The following GPHN variants were observed in gnomAD, a reference collection of about 807,000 sequenced individuals.
The protein encoded by GPHN is gephyrin.
A neutral mutation model predicts 95.5 loss-of-function variants in GPHN; 17 were observed. That is an observed-to-expected ratio of 0.18 (90% CI 0.12 to 0.27). The LOEUF is 0.27. Ranked by LOEUF, GPHN falls within the 10% of genes least tolerant of loss-of-function variation. GPHN has a pLI of 1.00. For missense variants in GPHN, 660 were observed against 978.1 expected (o/e 0.67, Z 4.34); for synonymous variants, 320 against 322.5 (o/e 0.99, Z 0.08).
chr14:66,977,686 A>G (rs370625726), intron 9 of GPHN, among the ~76,000 whole-genome samples: 6 of 152,330 alleles, frequency 3.9e-5, no homozygotes, highest in South Asian at 2.1e-4. Flanking sequence ...TGCTGAAACT[A>G]CAATGTATAG....
chr14:66,528,977 T>C (rs2058803820), intron 1 of GPHN, among the ~76,000 whole-genome samples: 1 of 152,210 alleles, frequency 6.6e-6, no homozygotes, highest in East Asian at 1.9e-4. Flanking sequence ...CTTTGTGGTG[T>C]TCTCTGTATT....
chr14:66,533,051 T>A (rs756929246), intron 1 of GPHN, among the ~76,000 whole-genome samples: 1 of 152,304 alleles, frequency 6.6e-6, no homozygotes, highest in Non-Finnish European at 1.5e-5. Flanking sequence ...CGCCGAATAG[T>A]CAGTCCACTT....
the GPHN span, among the ~76,000 whole-genome samples, chr14:67,305,642 G>C: frequency 6.6e-6 from 1 of 152,186 alleles, no homozygotes; most frequent in Non-Finnish European, 1.5e-5. Context: ...TTCTGTAAAA[G>C]AAAAGCCATT....
intron 17 of GPHN, among the ~76,000 whole-genome samples, chr14:67,126,086 C>T (rs1298513962): frequency 6.6e-6 from 1 of 151,994 alleles, no homozygotes; most frequent in Admixed American, 6.6e-5. Context: ...CTTCAAATAC[C>T]TGAGAATTAA....
chr14:67,215,737 C>T, the GPHN span, among the ~76,000 whole-genome samples: 349 of 152,240 alleles, frequency 2.3e-3, 9 homozygotes, highest in East Asian at 0.015. Flanking sequence ...ATCCATCCAA[C>T]TTAGCAATTT....
intron 4 of GPHN, among the ~76,000 whole-genome samples, chr14:66,858,299 G>A (rs2062880999): frequency 6.6e-6 from 1 of 151,672 alleles, no homozygotes; most frequent in African/African-American, 2.4e-5. Flanking sequence ...CAGTAAAGGG[G>A]ACTTTGTCTT....
chr14:66,530,952 G>GTTT, intron 1 of GPHN, among the ~76,000 whole-genome samples: 1 of 118,122 alleles, frequency 8.5e-6, no homozygotes, highest in African/African-American at 4.5e-5. Context: ...TTGTTTGTTA[G>GTTT]ATTTTTTTTT....
the GPHN span, among the ~76,000 whole-genome samples, chr14:67,244,240 G>A: frequency 2.6e-5 from 4 of 152,144 alleles, no homozygotes; most frequent in African/African-American, 9.7e-5. Flanking sequence ...ATGTGTGGAC[G>A]CTTTCCTAGA....
intron 1 of GPHN, among the ~76,000 whole-genome samples, chr14:66,546,518 C>T (rs944482199): frequency 3.9e-5 from 6 of 152,312 alleles, no homozygotes; most frequent in Admixed American, 2.6e-4. Flanking sequence ...TCTGCAATCC[C>T]GGCACCTCGG....
chr14:67,422,785 C>A, the GPHN span, among the ~76,000 whole-genome samples: 10 of 150,786 alleles, frequency 6.6e-5, no homozygotes, highest in Non-Finnish European at 1.3e-4. Flanking sequence ...AGAGTAGATG[C>A]AATGGCTCAG....
the GPHN span, among the ~76,000 whole-genome samples, chr14:67,713,476 T>A: frequency 2.1e-5 from 3 of 146,312 alleles, no homozygotes; most frequent in African/African-American, 7.5e-5. Context: ...TTTTGGGACA[T>A]CAGGGATTCT....
intron 3 of GPHN, among the ~76,000 whole-genome samples, chr14:66,788,494 A>G (rs2059861761): frequency 6.6e-6 from 1 of 152,240 alleles, no homozygotes; most frequent in South Asian, 2.1e-4. Flanking sequence ...CATTATTTGG[A>G]ACACATACCA....
the GPHN span, among the ~76,000 whole-genome samples, chr14:67,259,208 TAC>T: frequency 6.6e-6 from 1 of 151,536 alleles, no homozygotes; most frequent in East Asian, 1.9e-4. Context: ...ATATAACATA[TAC>T]ACATGCCCGA....
chr14:66,757,591 T>C (rs997654359), intron 2 of GPHN, among the ~76,000 whole-genome samples: 1 of 152,158 alleles, frequency 6.6e-6, no homozygotes. Context: ...GGTTTCACCA[T>C]GTTGGCCAGG....
At chr14:66,860,751 T>G (rs1019244465) in intron 4 of GPHN, among the ~76,000 whole-genome samples, 2 of 151,846 alleles carry the variant, frequency 1.3e-5, no homozygotes, top group Non-Finnish European at 2.9e-5. Context: ...ACAATTAAAG[T>G]GTAGCATTTT....
chr14:67,473,274 G>T, the GPHN span: 1 of 1,127,806 alleles, frequency 8.9e-7, no homozygotes, highest in Non-Finnish European at 1.3e-6. The surrounding 1 kb of genome is among the most constrained non-coding windows in gnomAD (Gnocchi z 6.5). Context: ...CGGCCCCCGC[G>T]GACGTTAGGG....
intron 9 of GPHN, among the ~76,000 whole-genome samples, chr14:66,973,501 G>A (rs907417439): frequency 6.6e-6 from 1 of 152,212 alleles, no homozygotes; most frequent in Non-Finnish European, 1.5e-5. Flanking sequence ...GCTCACACCT[G>A]TAATTCCAGC....
chr14:67,730,310 C>T, the GPHN span, among the ~76,000 whole-genome samples: 1 of 152,170 alleles, frequency 6.6e-6, no homozygotes, highest in Non-Finnish European at 1.5e-5. Context: ...AGCCACTAGC[C>T]ACATGTTGCT....
At chr14:67,323,613 CTAAT>C in the GPHN span, 92 of 252,828 alleles carry the variant, frequency 3.6e-4, no homozygotes, top group East Asian at 3.6e-3. Flanking sequence ...GTCCCTTAAT[CTAAT>C]ATATATATAT....
Sources: gnomAD v4.1 joint callset for allele counts (sites outside exome capture counted in the v4.1 genomes callset) on GRCh38, gnomAD v4.1.1 for gene constraint, Gnocchi (gnomAD v3.1) non-coding constraint, MANE v1.5 for transcripts, NCBI Gene and HGNC (gene_info 2026-07-23, HGNC 2026-07-21) for gene names.